Variants in BNC2 observed in about 807,000 individuals in gnomAD.
The protein encoded by BNC2 is zinc finger protein basonuclin-2.
Under a neutral mutation model 76.3 loss-of-function variants are expected in BNC2, and 20 were observed. That is an observed-to-expected ratio of 0.26 (90% CI 0.18 to 0.38). The LOEUF is 0.38. Ranked by LOEUF, BNC2 falls within the 10% of genes least tolerant of loss-of-function variation. BNC2 has a pLI of 1.00. For synonymous variants in BNC2, 582 were observed against 514.8 expected (o/e 1.13, Z -1.77); for missense variants, 1,382 against 1,399.8 (o/e 0.99, Z 0.20).
chr9:16,517,572 C>T (rs1587123391), intron 5 of BNC2, among the ~76,000 whole-genome samples: 1 of 152,126 alleles, frequency 6.6e-6, no homozygotes, highest in South Asian at 2.1e-4. Flanking sequence ...TGCAAACACA[C>T]ACACACGTAC....
intron 5 of BNC2, among the ~76,000 whole-genome samples, chr9:16,494,169 T>C (rs901880410): frequency 1.3e-5 from 2 of 152,162 alleles, no homozygotes; most frequent in South Asian, 2.1e-4. Context: ...TTTCTTTTTT[T>C]TGGAGACGGA....
At chr9:16,754,044 G>A (rs932260710) in intron 1 of BNC2, among the ~76,000 whole-genome samples, 4 of 152,070 alleles carry the variant, frequency 2.6e-5, no homozygotes, top group Non-Finnish European at 2.9e-5. Context: ...CAGAGTGCTC[G>A]CTTATAGCCT....
chr9:16,747,476 A>T (rs1282638428), intron 1 of BNC2, among the ~76,000 whole-genome samples: 1 of 152,254 alleles, frequency 6.6e-6, no homozygotes, highest in African/African-American at 2.4e-5. Context: ...TGCAAAACAT[A>T]AAAGATTTTT....
Position 16,766,243 on chromosome 9 carries a change from T to C in BNC2, c.4-27758A>G, listed in dbSNP as rs541753624. 7.4e-4 allele frequency among the ~76,000 whole-genome samples: 112 copies of C among 152,322 alleles called. No homozygotes were observed. The South Asian group carries it at 0.022, about 30-fold the overall frequency. ...GTAGTTTTTCCTGTGTGATATATCA[T>C]ACTTATCTCTGCAACCATCCATCAC... is the stretch of plus-strand genomic sequence containing the variant. On this transcript the variant is annotated intron_variant, in intron 1 of 6. Coordinates refer to ENST00000380672, the MANE Select transcript of BNC2 (RefSeq NM_017637.6).
intron 1 of BNC2, among the ~76,000 whole-genome samples, chr9:16,821,825 G>A (rs1183685992): frequency 2.0e-5 from 3 of 152,004 alleles, no homozygotes; most frequent in African/African-American, 7.2e-5. Context: ...TGGGCACGGT[G>A]GGTAATGCCT....
At chr9:16,454,561 C>A (rs1338034611) in intron 5 of BNC2, among the ~76,000 whole-genome samples, 1 of 152,174 alleles carries the variant, frequency 6.6e-6, no homozygotes, top group Non-Finnish European at 1.5e-5. Context: ...GCCTCAGTCT[C>A]CCAAAGTGCT....
intron 1 of BNC2, among the ~76,000 whole-genome samples, chr9:16,810,301 G>A (rs566890654): frequency 6.6e-6 from 1 of 152,306 alleles, no homozygotes; most frequent in Non-Finnish European, 1.5e-5. Context: ...CAGGGGTGGG[G>A]CTAGAAGCTG....
At chr9:16,688,663 G>C (rs1160880705) in intron 3 of BNC2, among the ~76,000 whole-genome samples, 1 of 151,996 alleles carries the variant, frequency 6.6e-6, no homozygotes, top group Non-Finnish European at 1.5e-5. Flanking sequence ...TGTATATGTT[G>C]CTTTAAAAGT....
chr9:16,820,662 ATTAAGAC>A (rs1187126950), intron 1 of BNC2, among the ~76,000 whole-genome samples: 1 of 152,212 alleles, frequency 6.6e-6, no homozygotes, highest in Admixed American at 6.5e-5. Flanking sequence ...ATATCTGAAT[ATTAAGAC>A]TCAGTAAGGT....
intron 3 of BNC2, among the ~76,000 whole-genome samples, chr9:16,612,722 G>A (rs1425614086): frequency 6.6e-6 from 1 of 152,138 alleles, no homozygotes; most frequent in African/African-American, 2.4e-5. Flanking sequence ...AATGTGACAA[G>A]ACAGGCATAA....
In BNC2 at chr9:16,569,210, A is replaced by T. The variant is rs570611271; in HGVS notation, c.433+13773T>A. The stretch of plus-strand genomic sequence containing the variant: ...CTCATTACATTACTATACCTTATAT[A>T]CATTATGTGAATGGCCCTTGATTTT... On this transcript the variant is annotated intron_variant, in intron 4 of 6. Transcript: ENST00000380672. 2.6e-5 allele frequency among the ~76,000 whole-genome samples: 4 copies of T among 152,038 alleles called. No homozygotes were observed. The East Asian group carries it at 7.7e-4, about 29-fold the overall frequency.
chr9:16,595,969 A>T (rs940370336), intron 3 of BNC2, among the ~76,000 whole-genome samples: 1 of 152,132 alleles, frequency 6.6e-6, no homozygotes, highest in African/African-American at 2.4e-5. Context: ...GTGTCAGCTG[A>T]ATCAACATAA....
intron 1 of BNC2, among the ~76,000 whole-genome samples, chr9:16,808,967 C>CT (rs749412425): frequency 4.6e-5 from 7 of 152,160 alleles, no homozygotes; most frequent in Non-Finnish European, 1.0e-4. Context: ...TCCACCTCCT[C>CT]TTTCACCAGC....
chr9:16,750,979 C>T (rs1327959537), intron 1 of BNC2, among the ~76,000 whole-genome samples: 1 of 152,158 alleles, frequency 6.6e-6, no homozygotes, highest in African/African-American at 2.4e-5. Context: ...TAACCAAGTA[C>T]AGAGTTGTGT....
At chr9:16,725,334 T>C (rs1000421548) in intron 3 of BNC2, among the ~76,000 whole-genome samples, 1 of 151,896 alleles carries the variant, frequency 6.6e-6, no homozygotes, top group African/African-American at 2.4e-5. Flanking sequence ...TTCACTCACA[T>C]AGTTTGAACT....
intron 3 of BNC2, among the ~76,000 whole-genome samples, chr9:16,691,753 C>T (rs1268485121): frequency 6.6e-6 from 1 of 151,212 alleles, no homozygotes; most frequent in Admixed American, 6.6e-5. Context: ...TCATGATATG[C>T]CCGCCTCGGC....
At chr9:16,670,444 T>C (rs1822442774) in intron 3 of BNC2, among the ~76,000 whole-genome samples, 1 of 152,134 alleles carries the variant, frequency 6.6e-6, no homozygotes, top group African/African-American at 2.4e-5. Flanking sequence ...CCTCCCAAAG[T>C]GCTGGGATTA....
At chr9:16,772,184 C>T (rs1825849609) in intron 1 of BNC2, among the ~76,000 whole-genome samples, 1 of 152,216 alleles carries the variant, frequency 6.6e-6, no homozygotes, top group Admixed American at 6.5e-5. Context: ...GGCTGATTTC[C>T]CTACAGGTTA....
At chr9:16,831,381 G>A (rs1188383663) in intron 1 of BNC2, among the ~76,000 whole-genome samples, 4 of 152,186 alleles carry the variant, frequency 2.6e-5, no homozygotes, top group Non-Finnish European at 5.9e-5. Context: ...AATAAGTAAA[G>A]AGTTCACGTA....
Sources: gnomAD v4.1 joint callset for allele counts (sites outside exome capture counted in the v4.1 genomes callset) on GRCh38, gnomAD v4.1.1 for gene constraint, MANE v1.5 for transcripts, NCBI Gene and HGNC (gene_info 2026-07-23, HGNC 2026-07-21) for gene names.